The following CRTC1 variants were observed in gnomAD, a reference collection of about 807,000 sequenced individuals.
CRTC1 encodes the protein CREB regulated transcription coactivator 1.
Under a neutral mutation model 66.1 loss-of-function variants are expected in CRTC1, and 18 were observed. The ratio of observed to expected loss-of-function variants is 0.27; its 90% confidence interval spans 0.19 to 0.40. CRTC1 has a LOEUF of 0.40. CRTC1 is among the 10% of genes least tolerant of loss of function. The probability of loss-of-function intolerance (pLI) is 1.00; values close to 1 mark genes in which losing one functional copy is unlikely to be tolerated. For synonymous variants in CRTC1, 416 were observed against 398.8 expected (o/e 1.04, Z -0.51); for missense variants, 669 against 887.9 (o/e 0.75, Z 3.13).
chr19:18,778,481 G>A lies in CRTC1; in HGVS notation c.*1099G>A, dbSNP rs1601035616. 4.3e-6 allele frequency: 1 copy of A among 231,882 alleles called. No individual in the cohort carries two copies. Among genetic ancestry groups the A allele is most frequent in the Non-Finnish European group, 8.5e-6 (1 of 117,198 alleles). 14.4% of individuals were successfully genotyped at this position (231,882 alleles called of 1,614,324 possible). ...CCACCTGAGTGTAAGAAGTGAGTCC[G>A]GCTTTTGGGTTTCACCCCAAGTTAT... On this transcript the variant is annotated 3_prime_UTR_variant, in exon 14 of 14. Transcript: ENST00000321949.
intron 2 of CRTC1, among the ~76,000 whole-genome samples, chr19:18,743,665 C>T (rs773695261): frequency 2.0e-5 from 3 of 152,178 alleles, no homozygotes; most frequent in Non-Finnish European, 2.9e-5. Flanking sequence ...GCTGAGAAAA[C>T]CACCTCGGAC....
Position 18,701,571 on chromosome 19 carries a change from T to G in CRTC1, c.126+17743T>G, listed in dbSNP as rs58550350. 7.4e-3 allele frequency among the ~76,000 whole-genome samples: 1,128 copies of G among 152,324 alleles called. 18 individuals carry two copies. The highest frequency in any genetic ancestry group is 0.026 in the African/African-American group (1,090 of 41,572). On this transcript the variant is annotated intron_variant, in intron 1 of 13. Coordinates refer to ENST00000321949, the MANE Select transcript of CRTC1 (RefSeq NM_015321.3). ...CTGTTTAGTTTCACCTGAGGGAGTA[T>G]TCATTGCTGTTAACTGTTTCTTATG...
chr19:18,768,894 G>C lies in CRTC1; in HGVS notation c.1320+101G>C, dbSNP rs932188631. The C allele has an allele frequency of 2.7e-5, 39 of 1,421,372 alleles. No homozygotes were observed. Among genetic ancestry groups the C allele is most frequent in the Non-Finnish European group, 3.6e-5 (39 of 1,073,746 alleles). The allele number at this position is 1,421,372 out of a possible 1,614,324, so 88.0% of individuals were successfully genotyped here. ...GGGTTACCTGCTGCATGGGCCAGGG[G>C]TCAGAACCCCAGCGAACGCTGCCTG... On this transcript the variant is annotated intron_variant, in intron 10 of 13. Transcript: ENST00000321949. This position sits in a 1 kb window ranked among gnomAD's most constrained non-coding sequence, Gnocchi z 5.6.
chr19:18,770,949 T>A (rs1445341977), intron 10 of CRTC1, among the ~76,000 whole-genome samples: 3 of 151,478 alleles, frequency 2.0e-5, no homozygotes, highest in Non-Finnish European at 4.4e-5. Context: ...TGTGTGCATT[T>A]GTGGGTGTGA....
chr19:18,750,264 T>C (rs1475528209), intron 5 of CRTC1, among the ~76,000 whole-genome samples: 1 of 152,166 alleles, frequency 6.6e-6, no homozygotes, highest in Non-Finnish European at 1.5e-5. Flanking sequence ...CAGGTTCAGC[T>C]CCTTCCACTG....
Position 18,777,383 on chromosome 19 carries a change from G to A in CRTC1, c.*1G>A, listed in dbSNP as rs147840099. 2.2e-4 allele frequency: 357 copies of A among 1,601,534 alleles called. 4 individuals carry two copies. Among genetic ancestry groups the A allele is most frequent in the South Asian group, 1.7e-3 (159 of 91,074 alleles). ...CACCTTCCGGATGGACCGCCTGTGA[G>A]CGGGCACGCCGGCACCCTGCCGCTC... On this transcript the variant is annotated 3_prime_UTR_variant, in exon 14 of 14. Transcript: ENST00000321949. The surrounding 1 kb of genome is among the most constrained non-coding windows in gnomAD (Gnocchi z 5.5).
intron 8 of CRTC1, among the ~76,000 whole-genome samples, chr19:18,761,388 G>A (rs1178812622): frequency 6.6e-6 from 1 of 152,180 alleles, no homozygotes; most frequent in Non-Finnish European, 1.5e-5. Flanking sequence ...CAGGCTGGAG[G>A]GGCTGTGGGG....
chr19:18,745,455 G>A (rs1041138364), intron 2 of CRTC1, among the ~76,000 whole-genome samples: 9 of 152,194 alleles, frequency 5.9e-5, no homozygotes, highest in Admixed American at 6.5e-5. Flanking sequence ...GAGAGAGGGC[G>A]GAGGCCTGTC....
chr19:18,740,984 A>G (rs541543970), intron 1 of CRTC1, among the ~76,000 whole-genome samples: 21 of 152,304 alleles, frequency 1.4e-4, no homozygotes, highest in Non-Finnish European at 2.8e-4. Context: ...CAGCCTGGGC[A>G]ACAGAGCGAG....
intron 1 of CRTC1, among the ~76,000 whole-genome samples, chr19:18,737,819 C>G (rs2054032548): frequency 6.6e-6 from 1 of 152,088 alleles, no homozygotes; most frequent in Admixed American, 6.6e-5. Flanking sequence ...GGACAAAGAC[C>G]TTTGGGATAA....
intron 2 of CRTC1, among the ~76,000 whole-genome samples, chr19:18,744,424 C>T (rs1333271219): frequency 2.0e-5 from 3 of 152,182 alleles, no homozygotes; most frequent in Non-Finnish European, 4.4e-5. Context: ...ATCTGGGGTC[C>T]AGCAGAGCAG....
At chr19:18,751,251 T>C (rs2054356760) in intron 5 of CRTC1, among the ~76,000 whole-genome samples, 1 of 151,326 alleles carries the variant, frequency 6.6e-6, no homozygotes, top group Non-Finnish European at 1.5e-5. Context: ...GGGCTGGGTG[T>C]GGTGGCTCAC....
Position 18,749,927 on chromosome 19 carries a change from G to A in CRTC1, c.538+52G>A, listed in dbSNP as rs1436892226. ...TGCTGGGGTGAGGCAAGTCCAGCAG[G>A]TAACCCCTGTTCTCCAGGAGGTCAC... On this transcript the variant is annotated intron_variant, in intron 5 of 13. Coordinates refer to ENST00000321949, the MANE Select transcript of CRTC1 (RefSeq NM_015321.3). 10 of 1,416,990 alleles carry A rather than the reference G, an allele frequency of 7.1e-6. No homozygotes were observed. The Admixed American group carries it at 1.2e-4, about 17-fold the overall frequency. 87.8% of individuals were successfully genotyped at this position (1,416,990 alleles called of 1,614,324 possible).
intron 8 of CRTC1, among the ~76,000 whole-genome samples, chr19:18,761,439 G>T (rs1396019696): frequency 1.3e-5 from 2 of 152,198 alleles, no homozygotes; most frequent in Non-Finnish European, 2.9e-5. Flanking sequence ...ACCTTGCTGT[G>T]CTCTGTCTTG....
chr19:18,716,244 C>T (rs1041863009), intron 1 of CRTC1, among the ~76,000 whole-genome samples: 27 of 151,690 alleles, frequency 1.8e-4, no homozygotes, highest in African/African-American at 6.1e-4. Flanking sequence ...CAGAATGTGG[C>T]TCCCGAATGA....
intron 3 of CRTC1, among the ~76,000 whole-genome samples, chr19:18,746,397 G>A (rs903325272): frequency 2.0e-5 from 3 of 152,124 alleles, no homozygotes; most frequent in Non-Finnish European, 2.9e-5. Flanking sequence ...AGACCCGGAC[G>A]CATCCAAGGG....
At chr19:18,685,367 T>A (rs8102768) in intron 1 of CRTC1, among the ~76,000 whole-genome samples, 57,172 of 150,228 alleles carry the variant, frequency 0.38, 11,158 homozygotes, top group African/African-American at 0.48. Context: ...GAAAAAAAAA[T>A]AAGAAAATGG....
chr19:18,775,741 C>G lies in CRTC1; in HGVS notation c.1613C>G (p.Thr538Arg). Reference sequence around the variant, plus strand: ...TCGCAGGCGGCCATGATGGGCCTCACGGGCAGCCACGGGAGCCTGCCGGAC... The same window carrying G: ...TCGCAGGCGGCCATGATGGGCCTCAGGGGCAGCCACGGGAGCCTGCCGGAC... ...NYSQAAMMGLTGSHGSLPDSQ... is the reference protein window; with the variant it reads ...NYSQAAMMGLRGSHGSLPDSQ... The change falls in exon 13 of 14, where the codon ACG becomes AGG. Residue 538 changes from threonine (T) to arginine (R), a missense_variant. Thr to Arg is a moderately conservative substitution (Grantham distance 71). Coordinates refer to ENST00000321949, the MANE Select transcript of CRTC1 (RefSeq NM_015321.3). 1 of 1,612,320 alleles carries G rather than the reference C, an allele frequency of 6.2e-7. No individual in the cohort carries two copies.
At chr19:18,700,024 C>G (rs17683623) in intron 1 of CRTC1, among the ~76,000 whole-genome samples, 14,310 of 152,116 alleles carry the variant, frequency 0.094, 778 homozygotes, top group Non-Finnish European at 0.12. Context: ...GGATCCTGAG[C>G]CTGATTCCCC....
Sources: allele counts gnomAD v4.1 joint callset (sites outside exome capture counted in the v4.1 genomes callset), GRCh38; gene constraint gnomAD v4.1.1; non-coding constraint Gnocchi (gnomAD v3.1); transcripts MANE v1.5; gene names NCBI Gene and HGNC (gene_info 2026-07-23, HGNC 2026-07-21).